EGFLAM: variants seen among roughly 807,000 people sequenced by gnomAD.
EGFLAM encodes the protein EGF like, fibronectin type III and laminin G domains.
A neutral mutation model predicts 113.1 loss-of-function variants in EGFLAM; 79 were observed. The ratio of observed to expected loss-of-function variants is 0.70; its 90% CI spans 0.58 to 0.84. EGFLAM has a LOEUF of 0.84. EGFLAM is among the 40% of genes least tolerant of loss of function. The pLI, the probability that EGFLAM is intolerant of heterozygous loss-of-function variation, is 0.00. For missense variants in EGFLAM, 1,265 were observed against 1,291.6 expected, an observed-to-expected ratio of 0.98 and a Z score of 0.32; for synonymous variants, 504 against 487.6, an observed-to-expected ratio of 1.03 and a Z score of -0.44.
At chr5:38,435,806 C>CTTTTTTTTTTTTTTT (rs60461690) in intron 16 of EGFLAM, among the ~76,000 whole-genome samples, 1 of 88,924 alleles carries the variant, frequency 1.1e-5, no homozygotes, top group African/African-American at 4.7e-5. Flanking sequence ...CCGGCTCTCT[C>CTTTTTTTTTTTTTTT]TTTTTTTTTT....
At chr5:38,429,292 A>C (rs1309497129) in intron 14 of EGFLAM, among the ~76,000 whole-genome samples, 1 of 152,250 alleles carries the variant, frequency 6.6e-6, no homozygotes. Context: ...AGACCACTTA[A>C]AAAGGGCTGC....
intron 1 of EGFLAM, 40 bp downstream of exon 1, chr5:38,258,891 G>A: frequency 6.3e-7 from 1 of 1,582,668 alleles, no homozygotes; most frequent in East Asian, 2.3e-5. Context: ...CGCCCCGAGC[G>A]CCCCTGCTGG....
rs1459515007 is a variant in EGFLAM, at chr5:38,439,448, T to C, written c.2464+993T>C. 3.3e-5 allele frequency among the ~76,000 whole-genome samples: 5 copies of C among 152,032 alleles called. No individual in the cohort carries two copies. In the East Asian group the frequency reaches 9.7e-4, roughly 29 times the overall value. ...AATGAGCCTCTGAAGGAATGTGCAC[T>C]GTCTTTCTTATTTCCAGGTTGTTGA... is the stretch of plus-strand genomic sequence containing the variant. On this transcript the variant is annotated intron_variant, in intron 17 of 21. Coordinates refer to ENST00000322350, the MANE Select transcript of EGFLAM (RefSeq NM_152403.4).
chr5:38,331,188 C>T (rs1739031168), intron 1 of EGFLAM, among the ~76,000 whole-genome samples: 1 of 152,090 alleles, frequency 6.6e-6, no homozygotes, highest in Non-Finnish European at 1.5e-5. Flanking sequence ...GCATAGACTC[C>T]CCCGTCATCA....
chr5:38,283,400 A>T (rs1430540069), intron 1 of EGFLAM, among the ~76,000 whole-genome samples: 1 of 152,178 alleles, frequency 6.6e-6, no homozygotes. Context: ...CATTGTTATA[A>T]TGGGGAAGAA....
At chr5:38,345,233 A>G (rs576264129) in intron 3 of EGFLAM, 2 of 152,358 alleles carry the variant, frequency 1.3e-5, no homozygotes, top group Non-Finnish European at 2.9e-5. Context: ...AAATGGAGAT[A>G]ATAGGACTGA....
At chr5:38,319,065 G>A (rs1738675272) in intron 1 of EGFLAM, among the ~76,000 whole-genome samples, 1 of 152,106 alleles carries the variant, frequency 6.6e-6, no homozygotes, top group South Asian at 2.1e-4. Flanking sequence ...TTCATATTAG[G>A]GGTAAATATC....
chr5:38,264,356 T>A (rs1385962870), intron 1 of EGFLAM, among the ~76,000 whole-genome samples: 1 of 152,166 alleles, frequency 6.6e-6, no homozygotes, highest in Non-Finnish European at 1.5e-5. Flanking sequence ...TCTTTCCACT[T>A]TGTCAGTATT....
At chr5:38,336,837 CACAA>C (rs1195180542) in intron 1 of EGFLAM, among the ~76,000 whole-genome samples, 2 of 152,066 alleles carry the variant, frequency 1.3e-5, no homozygotes, top group African/African-American at 4.8e-5. Context: ...TACACACACA[CACAA>C]ACACTTTTTT....
At chr5:38,263,772 T>C (rs995105096) in intron 1 of EGFLAM, among the ~76,000 whole-genome samples, 20 of 152,378 alleles carry the variant, frequency 1.3e-4, no homozygotes, top group African/African-American at 4.6e-4. Context: ...TTTAGGTCTA[T>C]AATTCATTTT....
At chr5:38,444,726 C>G (rs1039891044) in intron 17 of EGFLAM, among the ~76,000 whole-genome samples, 3 of 152,166 alleles carry the variant, frequency 2.0e-5, no homozygotes, top group African/African-American at 7.2e-5. Context: ...AGGTGGATCA[C>G]CTGAGGTCAG....
At chr5:38,271,799 A>T (rs1027349578) in intron 1 of EGFLAM, among the ~76,000 whole-genome samples, 7 of 152,240 alleles carry the variant, frequency 4.6e-5, no homozygotes, top group African/African-American at 1.7e-4. Flanking sequence ...AACTTGTTCA[A>T]GAAAAGCACC....
chr5:38,313,761 T>C (rs1738517637), intron 1 of EGFLAM, among the ~76,000 whole-genome samples: 1 of 152,252 alleles, frequency 6.6e-6, no homozygotes, highest in African/African-American at 2.4e-5. Flanking sequence ...GAATTACTCA[T>C]GTAAAATATT....
intron 17 of EGFLAM, among the ~76,000 whole-genome samples, chr5:38,441,025 A>G (rs1319050710): frequency 1.3e-5 from 2 of 152,150 alleles, no homozygotes; most frequent in Non-Finnish European, 2.9e-5. Context: ...AGTTCCAGGC[A>G]CTTGGACTAC....
At chr5:38,431,119 C>T (rs1332579038) in intron 14 of EGFLAM, 58 bp from the exon 15 acceptor site, 94 of 1,459,664 alleles carry the variant, frequency 6.4e-5, no homozygotes, top group Non-Finnish European at 8.8e-5. Context: ...GCTATCTGGG[C>T]ATTCCTTATC....
chr5:38,337,147 G>A (rs1459989696), intron 1 of EGFLAM, among the ~76,000 whole-genome samples: 3 of 152,168 alleles, frequency 2.0e-5, no homozygotes, highest in East Asian at 1.9e-4. Context: ...AAACATATAT[G>A]CTATTGAGTA....
At position 38,302,298 on chromosome 5, in the gene EGFLAM, A is replaced by G. The variant is rs1041245553; in HGVS notation, c.98-35222A>G. Among the ~76,000 whole-genome samples the G allele has an allele frequency of 2.6e-5, 4 of 151,936 alleles. No individual in the cohort carries two copies. The East Asian group carries it at 7.8e-4, about 29-fold the overall frequency. On this transcript the variant is annotated intron_variant, in intron 1 of 21. Transcript: ENST00000322350. ...ATAGATTTTGTAACGTAGACTGGTT[A>G]TTTAAAGTCAGAGTTCCTTGAGGAT...
chr5:38,416,776 G>A (rs1741654622), intron 11 of EGFLAM, among the ~76,000 whole-genome samples: 1 of 152,176 alleles, frequency 6.6e-6, no homozygotes, highest in Non-Finnish European at 1.5e-5. Flanking sequence ...CTCATCTAAT[G>A]AAAGCAGCAT....
Position 38,337,642 on chromosome 5 carries a change from G to A in EGFLAM, c.207+13G>A. On this transcript the variant is annotated intron_variant, in intron 2 of 21. Transcript: ENST00000322350. ...CCTTGGGTACACTGTGAGTACACGGGCATGGGAGTTTCCTCGGTGGGTGTG... is the reference window on the plus strand; with the variant it reads ...CCTTGGGTACACTGTGAGTACACGGACATGGGAGTTTCCTCGGTGGGTGTG... The A allele has an allele frequency of 6.3e-7, 1 of 1,581,884 alleles. No homozygotes were observed. The highest frequency in any genetic ancestry group is 2.3e-5 in the East Asian group (1 of 43,820).
Sources: gnomAD v4.1 joint callset for allele counts (sites outside exome capture counted in the v4.1 genomes callset) on GRCh38, gnomAD v4.1.1 for gene constraint, MANE v1.5 for transcripts, NCBI Gene and HGNC (gene_info 2026-07-23, HGNC 2026-07-21) for gene names.